MACF1: variants seen among roughly 807,000 people sequenced by gnomAD.
MACF1 encodes microtubule actin crosslinking factor 1, also known as microtubule-actin cross-linking factor 1.
Under a neutral mutation model 854.8 loss-of-function variants are expected in MACF1, and 193 were observed. The observed-to-expected ratio is 0.23, with a 90% confidence interval of 0.20 to 0.25. MACF1 has a LOEUF of 0.25. MACF1 is among the 10% of genes least tolerant of loss of function. The pLI, the probability that MACF1 is intolerant of heterozygous loss-of-function variation, is 1.00. For missense variants in MACF1, 7,722 were observed against 8,929.1 expected, an observed-to-expected ratio of 0.86 and a Z score of 5.45; for synonymous variants, 3,185 against 3,226.7, an observed-to-expected ratio of 0.99 and a Z score of 0.44.
rs1200635812 is a variant in MACF1, at chr1:39,422,832, C to T, written c.16081C>T (p.Leu5361Phe). 2 of 1,614,026 alleles carry T rather than the reference C, an allele frequency of 1.2e-6. No homozygotes were observed. The highest frequency in any genetic ancestry group is 2.7e-5 in the African/African-American group (2 of 74,924). ...LLSWLADTEE[L>F]IANQKPPSAE... ...CAGCTGGTTGGCAGATACCGAGGAG[C>T]TCATAGCCAATCAGAAACCTCCATC... is the stretch of plus-strand genomic sequence containing the variant. Residue 5361 changes from leucine to phenylalanine, a missense_variant, in exon 60 of 101, where the codon CTC (leucine) becomes TTC (phenylalanine). Leu to Phe is a conservative substitution (Grantham distance 22). Transcript: ENST00000564288.
chr1:39,443,124 C>G (rs752143418), intron 78 of MACF1, among the ~76,000 whole-genome samples: 1 of 152,288 alleles, frequency 6.6e-6, no homozygotes, highest in Admixed American at 6.5e-5. Flanking sequence ...TATTCACATT[C>G]AAAGTTAGCA....
At chr1:39,411,370 A>G in intron 58 of MACF1, 1 of 1,614,036 alleles carries the variant, frequency 6.2e-7, no homozygotes, top group South Asian at 1.1e-5. Context: ...ACAAGCAAAC[A>G]CAGCAGTGGT....
chr1:39,127,035 C>T (rs1334045039), intron 2 of MACF1, among the ~76,000 whole-genome samples: 1 of 151,906 alleles, frequency 6.6e-6, no homozygotes, highest in Non-Finnish European at 1.5e-5. Context: ...AATTTGAGAC[C>T]AACATGGCGA....
In MACF1 at chr1:39,442,065, G is replaced by A; in HGVS notation, c.18774+12G>A. On this transcript the variant is annotated intron_variant, in intron 75 of 100. Transcript: ENST00000564288. Reference sequence around the variant, plus strand: ...TAAATGAAATGAAGGTTTGTATCTGGGTATGGCTTTTGAAGAAGAATTGTT... The same window carrying A: ...TAAATGAAATGAAGGTTTGTATCTGAGTATGGCTTTTGAAGAAGAATTGTT... 3 of 1,602,448 alleles carry A rather than the reference G, an allele frequency of 1.9e-6. No individual in the cohort carries two copies. Among genetic ancestry groups the A allele is most frequent in the South Asian group, 1.1e-5 (1 of 88,688 alleles).
intron 91 of MACF1, chr1:39,459,813 C>A: frequency 1.5e-6 from 2 of 1,303,658 alleles, no homozygotes; most frequent in Non-Finnish European, 2.0e-6. Context: ...TTGTGCATAT[C>A]AAAGCAGCTA....
At chr1:39,399,204 C>T (rs1267675249) in intron 58 of MACF1, among the ~76,000 whole-genome samples, 1 of 152,124 alleles carries the variant, frequency 6.6e-6, no homozygotes, top group East Asian at 1.9e-4. Flanking sequence ...TCCTTCAGAA[C>T]TAGCCTATTT....
rs146766404 is a variant in MACF1 at position 39,385,751 on chromosome 1, A to G, written c.14166A>G (p.Gln4722=). 46 of 1,614,078 alleles carry G rather than the reference A, an allele frequency of 2.8e-5. No homozygotes were observed. The highest frequency in any genetic ancestry group is 3.9e-5 in the Non-Finnish European group (46 of 1,180,044). ...ISTQPEAVKQ[Q]LEETSEIRSD... ...CCCAACCAGAGGCTGTAAAGCAGCA[A>G]TTGGAAGAGACCAGTGAAATTCGAT... Residue 4722 remains glutamine (Q), a synonymous_variant, in exon 57 of 101, where the codon CAA becomes CAG. Coordinates refer to ENST00000564288, the MANE Select transcript of MACF1 (RefSeq NM_001394062.1).
chr1:39,157,007 TC>T (rs1367585232), intron 2 of MACF1, among the ~76,000 whole-genome samples: 1 of 150,124 alleles, frequency 6.7e-6, no homozygotes, highest in African/African-American at 2.5e-5. Context: ...TCTTGCTCTG[TC>T]ACCCAGGCTG....
chr1:39,302,932 T>A lies in MACF1; in HGVS notation c.2643T>A (p.Ile881=). The change falls in exon 23 of 101, where the codon ATT becomes ATA. Residue 881 remains isoleucine (I), a synonymous_variant. Transcript: ENST00000564288. ...TAAATTTATCTCTTCAGATTACTATTTGCAAAAATGATGAATGTGTGCTAG... is the reference window on the plus strand; with the variant it reads ...TAAATTTATCTCTTCAGATTACTATATGCAAAAATGATGAATGTGTGCTAG... ...VCDYRQIEIT[I]CKNDECVLED... is the part of the protein sequence containing the mutation. The A allele has an allele frequency of 6.2e-7, 1 of 1,613,800 alleles. No individual in the cohort carries two copies. Among genetic ancestry groups the A allele is most frequent in the Non-Finnish European group, 8.5e-7 (1 of 1,179,736 alleles).
intron 70 of MACF1, among the ~76,000 whole-genome samples, chr1:39,436,859 A>G (rs924009488): frequency 7.2e-5 from 11 of 152,216 alleles, no homozygotes; most frequent in African/African-American, 2.7e-4. Flanking sequence ...AAAGTAACAG[A>G]AAAGTGGGAA....
At chr1:39,093,517 TG>T (rs1417827723) in intron 2 of MACF1, among the ~76,000 whole-genome samples, 2 of 143,532 alleles carry the variant, frequency 1.4e-5, no homozygotes, top group African/African-American at 2.6e-5. Context: ...GACGGAGTCT[TG>T]CCCTGTCACC....
At chr1:39,247,026 C>T (rs896777949) in intron 2 of MACF1, among the ~76,000 whole-genome samples, 8 of 149,488 alleles carry the variant, frequency 5.4e-5, no homozygotes, top group Admixed American at 1.3e-4. Context: ...CTCAGCCTCT[C>T]GAGTAGCTGG....
chr1:39,208,187 C>G (rs1644475403), intron 1 of MACF1, among the ~76,000 whole-genome samples: 1 of 144,500 alleles, frequency 6.9e-6, no homozygotes, highest in Non-Finnish European at 1.5e-5. Flanking sequence ...TTAATTAAAT[C>G]TACTCCGTTC....
intron 2 of MACF1, among the ~76,000 whole-genome samples, chr1:39,088,218 C>T (rs967744701): frequency 6.6e-6 from 1 of 152,006 alleles, no homozygotes; most frequent in Admixed American, 6.6e-5. Flanking sequence ...GTGATCCGCC[C>T]GCCTCAGCCT....
At chr1:39,218,552 G>GT (rs1388989014) in intron 1 of MACF1, among the ~76,000 whole-genome samples, 5 of 151,960 alleles carry the variant, frequency 3.3e-5, no homozygotes, top group African/African-American at 1.2e-4. Flanking sequence ...GAAATGCTTC[G>GT]TTTTTCTGAC....
chr1:39,334,568 C>T lies in MACF1; in HGVS notation c.7980C>T (p.Ser2660=), dbSNP rs756390211. The change falls in exon 37 of 101, where the codon AGC becomes AGT. Residue 2660 remains serine (S), a synonymous_variant. Transcript: ENST00000564288. ...TCTCAGACATTAAAGATGGGGTGAG[C>T]GACAAAGTGCTTACATTGTCTCAAG... is the stretch of plus-strand genomic sequence containing the variant. The part of the protein sequence containing the change: ...IPFSDIKDGV[S]DKVLTLSQAI... The T allele has an allele frequency of 1.9e-5, 31 of 1,613,892 alleles. 1 individual carries two copies. Among genetic ancestry groups the T allele is most frequent in the Middle Eastern group, 1.6e-4 (1 of 6,084 alleles).
At chr1:39,128,781 A>AG (rs1642926084) in intron 2 of MACF1, among the ~76,000 whole-genome samples, 1 of 152,270 alleles carries the variant, frequency 6.6e-6, no homozygotes, top group African/African-American at 2.4e-5. Context: ...TTACCTTTGA[A>AG]GCTCAGTTCA....
chr1:39,250,756 A>G (rs1053673594), intron 3 of MACF1, among the ~76,000 whole-genome samples: 1 of 152,128 alleles, frequency 6.6e-6, no homozygotes, highest in Non-Finnish European at 1.5e-5. Context: ...AAACACCTAC[A>G]TATCTGAGGG....
At chr1:39,185,990 G>A (rs1037677345) in intron 2 of MACF1, among the ~76,000 whole-genome samples, 3 of 152,138 alleles carry the variant, frequency 2.0e-5, no homozygotes, top group Non-Finnish European at 2.9e-5. Context: ...GTTGTCAGAT[G>A]AGTCTGAGCC....
Sources: gnomAD v4.1 joint callset for allele counts (sites outside exome capture counted in the v4.1 genomes callset) on GRCh38, gnomAD v4.1.1 for gene constraint, MANE v1.5 for transcripts, NCBI Gene and HGNC (gene_info 2026-07-23, HGNC 2026-07-21) for gene names.